The following LCA5 variants were observed in gnomAD, a reference collection of about 807,000 sequenced individuals.
LCA5 encodes lebercilin LCA5.
LCA5 carries 37 observed loss-of-function variants against 53.0 expected under a neutral mutation model. That is an observed-to-expected ratio of 0.70 (90% confidence interval 0.54 to 0.92). LCA5 has a LOEUF of 0.92. LCA5 is among the 40% of genes least tolerant of loss of function. The pLI is 0.00. For synonymous variants in LCA5, 303 were observed against 282.9 expected (o/e 1.07, Z -0.71); for missense variants, 806 against 790.5 (o/e 1.02, Z -0.23).
upstream of LCA5, among the ~76,000 whole-genome samples, chr6:79,538,659 C>T (rs567649852): frequency 1.3e-5 from 2 of 152,244 alleles, no homozygotes; most frequent in South Asian, 2.1e-4. Flanking sequence ...GGGTGGATTA[C>T]TTATAAAGGA....
chr6:79,491,617 TGTTTTCG>T lies in LCA5; in HGVS notation c.1062_1068del (p.Tyr354Ter), dbSNP rs1769845495. 2 of 1,613,190 alleles carry T rather than the reference TGTTTTCG, an allele frequency of 1.2e-6. No individual in the cohort carries two copies. The highest frequency in any genetic ancestry group is 2.2e-5 in the South Asian group (2 of 91,076). On this transcript the variant is annotated frameshift_variant, in exon 6 of 8. Transcript: ENST00000369846. LOFTEE classifies it high-confidence loss of function. ...GTAAGATGTCCTGGTTCTTCCCATT[TGTTTTCG>T]TAACACATAATTGTTTCTGGAGTTA...
At chr6:79,506,721 C>T (rs1770280669) in intron 3 of LCA5, among the ~76,000 whole-genome samples, 1 of 152,284 alleles carries the variant, frequency 6.6e-6, no homozygotes, top group South Asian at 2.1e-4. Context: ...CCCTGAGACA[C>T]TTTGGAGGGT....
intron 1 of LCA5, among the ~76,000 whole-genome samples, chr6:79,526,543 C>CA (rs1338379710): frequency 2.6e-5 from 4 of 151,958 alleles, no homozygotes; most frequent in Admixed American, 6.5e-5. Context: ...GACACCGTCT[C>CA]AAAAAACAAA....
chr6:79,517,910 C>A (rs1208632585), intron 2 of LCA5, among the ~76,000 whole-genome samples: 1 of 152,136 alleles, frequency 6.6e-6, no homozygotes, highest in African/African-American at 2.4e-5. Context: ...AATTTTACCA[C>A]TCCTGGCCTT....
chr6:79,513,097 T>C lies in LCA5; in HGVS notation c.720+115A>G, dbSNP rs139114840. ...AATTTTCCCAAAACAGTACTAAAAA[T>C]AGTTTTCATTTCCAAGCAAATACCA... On this transcript the variant is annotated intron_variant, in intron 3 of 7. Transcript: ENST00000369846. The C allele has an allele frequency of 2.7e-4, 277 of 1,024,562 alleles. 1 individual carries two copies. In the African/African-American group the frequency reaches 3.3e-3, roughly 12 times the overall value. 63.5% of individuals were successfully genotyped at this position (1,024,562 alleles called of 1,614,324 possible).
chr6:79,501,572 T>C (rs1403101738), intron 3 of LCA5, among the ~76,000 whole-genome samples: 1 of 151,922 alleles, frequency 6.6e-6, no homozygotes, highest in Non-Finnish European at 1.5e-5. Flanking sequence ...CAGTCCATAC[T>C]TCTCCATTAA....
Position 79,491,851 on chromosome 6 carries a change from C to T in LCA5, c.956-121G>A, listed in dbSNP as rs982639412. On this transcript the variant is annotated intron_variant, in intron 5 of 7. Coordinates refer to ENST00000369846, the MANE Select transcript of LCA5 (RefSeq NM_001122769.3). ...TTGCATATACATGTACATTTATATG[C>T]ACCACTTCATTTAAATGGAGAATAT... is the stretch of plus-strand genomic sequence containing the variant. 3.5e-5 allele frequency: 27 copies of T among 768,242 alleles called. 1 individual carries two copies. The highest frequency in any genetic ancestry group is 2.1e-4 in the African/African-American group (12 of 57,126). The allele number at this position is 768,242 out of a possible 1,614,324, so 47.6% of individuals were successfully genotyped here.
At chr6:79,525,192 G>C (rs1370452288) in intron 1 of LCA5, 1 of 151,584 alleles carries the variant, frequency 6.6e-6, no homozygotes, top group Non-Finnish European at 1.5e-5. Flanking sequence ...CAGCTTTTCT[G>C]TTTCTTTATC....
intron 3 of LCA5, among the ~76,000 whole-genome samples, chr6:79,506,923 G>A (rs1770285527): frequency 6.6e-6 from 1 of 152,082 alleles, no homozygotes; most frequent in African/African-American, 2.4e-5. Context: ...ATTGAAAGAC[G>A]ACCAATGAAT....
At chr6:79,491,445 C>A in intron 6 of LCA5, 143 bp downstream of exon 6, 1 of 830,158 alleles carries the variant, frequency 1.2e-6, no homozygotes, top group African/African-American at 1.7e-5. Flanking sequence ...ATACACGATA[C>A]CTCTTTCCCT....
rs1389937871 is a variant in LCA5 at position 79,513,665 on chromosome 6, A to G, written c.267T>C (p.Asn89=). ...CAGTATCTTTCCGAAGTGGCTCTCTATTGAGGCTCTGGGAGCGAAATCCCA... is the reference window on the plus strand; with the variant it reads ...CAGTATCTTTCCGAAGTGGCTCTCTGTTGAGGCTCTGGGAGCGAAATCCCA... The part of the protein sequence containing the change: ...VRVGFRSQSL[N]REPLRKDTDL... The change falls in exon 3 of 8, where the codon AAT becomes AAC. Residue 89 remains asparagine (N), a synonymous_variant. Transcript: ENST00000369846. The G allele has an allele frequency of 2.5e-6, 4 of 1,613,638 alleles. No homozygotes were observed. Among genetic ancestry groups the G allele is most frequent in the Admixed American group, 1.7e-5 (1 of 59,962 alleles).
intron 3 of LCA5, among the ~76,000 whole-genome samples, chr6:79,506,863 C>T (rs535712151): frequency 2.6e-4 from 39 of 152,248 alleles, no homozygotes; most frequent in African/African-American, 8.9e-4. Flanking sequence ...GTCTGTATAA[C>T]TCAATGAACC....
intron 1 of LCA5, among the ~76,000 whole-genome samples, chr6:79,525,880 G>A (rs1766771583): frequency 6.6e-6 from 1 of 152,208 alleles, no homozygotes. Context: ...GGGAAAGCTA[G>A]CGTGAGTAAA....
intron 1 of LCA5, among the ~76,000 whole-genome samples, chr6:79,534,817 C>T (rs761176001): frequency 1.3e-5 from 2 of 152,068 alleles, no homozygotes; most frequent in Admixed American, 6.5e-5. Flanking sequence ...GAGGATGCAG[C>T]ATTTGCAAAA....
intron 1 of LCA5, among the ~76,000 whole-genome samples, chr6:79,519,790 C>A (rs1235537272): frequency 6.8e-6 from 1 of 147,272 alleles, no homozygotes; most frequent in Non-Finnish European, 1.5e-5. Context: ...AACTAAAGTA[C>A]ATTTTTTAAA....
At chr6:79,531,170 C>T (rs554233488) in intron 1 of LCA5, among the ~76,000 whole-genome samples, 3 of 152,270 alleles carry the variant, frequency 2.0e-5, no homozygotes, top group African/African-American at 7.2e-5. Context: ...ATTTCAATAA[C>T]AATCAGGTGA....
At chr6:79,521,125 A>C (rs1265647008) in intron 1 of LCA5, among the ~76,000 whole-genome samples, 1 of 152,166 alleles carries the variant, frequency 6.6e-6, no homozygotes, top group East Asian at 1.9e-4. Context: ...TTAAGAAGCC[A>C]CATGTGCTGG....
At chr6:79,494,490 T>TATAGATAG in intron 3 of LCA5, among the ~76,000 whole-genome samples, 1 of 150,992 alleles carries the variant, frequency 6.6e-6, no homozygotes, top group East Asian at 1.9e-4. Context: ...TAAAGCATCT[T>TATAGATAG]ATAGATAGAT....
upstream of LCA5, among the ~76,000 whole-genome samples, chr6:79,537,623 G>A (rs1319657678): frequency 6.6e-6 from 1 of 152,186 alleles, no homozygotes; most frequent in Admixed American, 6.5e-5. Context: ...GGCAAAACGC[G>A]GAGCGCTCCA....
Sources: allele counts gnomAD v4.1 joint callset (sites outside exome capture counted in the v4.1 genomes callset), GRCh38; gene constraint gnomAD v4.1.1; transcripts MANE v1.5; gene names NCBI Gene and HGNC (gene_info 2026-07-23, HGNC 2026-07-21).